Variants in CPQ observed in about 807,000 individuals in gnomAD.
CPQ encodes carboxypeptidase Q.
In CPQ, 37 loss-of-function variants were observed where a neutral mutation model predicts 45.7. The ratio of observed to expected loss-of-function variants is 0.81; its 90% CI spans 0.62 to 1.07. The LOEUF (loss-of-function observed/expected upper bound fraction) is 1.07. CPQ is among the 50% of genes least tolerant of loss of function. The pLI is 0.00. For missense variants in CPQ, 537 were observed against 572.9 expected, an observed-to-expected ratio of 0.94 and a Z score of 0.64; for synonymous variants, 186 against 205.8, an observed-to-expected ratio of 0.90 and a Z score of 0.82.
At chr8:96,667,353 T>C (rs932345695) in intron 1 of CPQ, among the ~76,000 whole-genome samples, 2 of 145,682 alleles carry the variant, frequency 1.4e-5, no homozygotes, top group Non-Finnish European at 3.0e-5. Context: ...ATCTTTTTCT[T>C]TTTTTTTTTT....
At chr8:97,070,602 G>A (rs2130536358) in intron 7 of CPQ, among the ~76,000 whole-genome samples, 1 of 152,240 alleles carries the variant, frequency 6.6e-6, no homozygotes. Flanking sequence ...AATATTGGGA[G>A]AATGATATAA....
At chr8:97,130,724 A>ATTTT (rs1811940221) in intron 7 of CPQ, among the ~76,000 whole-genome samples, 1 of 152,160 alleles carries the variant, frequency 6.6e-6, no homozygotes, top group Non-Finnish European at 1.5e-5. Flanking sequence ...TCCTTGAACC[A>ATTTT]ACCTTTTACT....
At chr8:97,115,820 C>T (rs1054887527) in intron 7 of CPQ, among the ~76,000 whole-genome samples, 5 of 152,174 alleles carry the variant, frequency 3.3e-5, no homozygotes, top group Non-Finnish European at 5.9e-5. Context: ...CTCTGTGCTT[C>T]ACACACTAAA....
At chr8:96,830,949 C>G (rs1046567469) in intron 2 of CPQ, among the ~76,000 whole-genome samples, 28 of 152,114 alleles carry the variant, frequency 1.8e-4, no homozygotes, top group African/African-American at 6.8e-4. Context: ...ATTCAGATAT[C>G]CAATAGTTAC....
intron 5 of CPQ, among the ~76,000 whole-genome samples, chr8:96,981,504 A>G (rs1382472550): frequency 6.6e-6 from 1 of 152,196 alleles, no homozygotes; most frequent in Non-Finnish European, 1.5e-5. Flanking sequence ...GAAGTGCTTC[A>G]TACTGGAATT....
At chr8:96,686,656 T>A (rs76558059) in intron 1 of CPQ, among the ~76,000 whole-genome samples, 3 of 152,038 alleles carry the variant, frequency 2.0e-5, no homozygotes, top group Admixed American at 6.6e-5. Context: ...GCTATATTTT[T>A]ATTTTTTTTC....
chr8:96,935,211 C>T (rs1563532913), intron 4 of CPQ, among the ~76,000 whole-genome samples: 1 of 152,056 alleles, frequency 6.6e-6, no homozygotes, highest in Non-Finnish European at 1.5e-5. Context: ...GCCTTAATGG[C>T]AACAGGCTTA....
In CPQ at chr8:96,660,678, T is replaced by C. The variant is rs555450450; in HGVS notation, c.-35+15276T>C. Among the ~76,000 whole-genome samples, 8 of 151,988 alleles carry C rather than the reference T, an allele frequency of 5.3e-5. No homozygotes were observed. The South Asian group carries it at 1.2e-3, about 24-fold the overall frequency. On this transcript the variant is annotated intron_variant, in intron 1 of 7. Transcript: ENST00000220763. ...GTGTGTGTGTGTTTATACTTCTCCC[T>C]AGTGCTTTCCCAGCTTTCCTAGACT...
chr8:96,659,812 A>C (rs1016897950), intron 1 of CPQ, among the ~76,000 whole-genome samples: 2 of 152,216 alleles, frequency 1.3e-5, no homozygotes, highest in African/African-American at 4.8e-5. Flanking sequence ...TAAGTCGCCA[A>C]GGGCTGTTGT....
chr8:96,986,502 C>T (rs1277631464), intron 5 of CPQ, among the ~76,000 whole-genome samples: 1 of 152,082 alleles, frequency 6.6e-6, no homozygotes, highest in Non-Finnish European at 1.5e-5. Flanking sequence ...CCCTTATTCC[C>T]ACTCTCTCAA....
intron 4 of CPQ, among the ~76,000 whole-genome samples, chr8:96,885,509 A>C (rs1287353733): frequency 1.3e-5 from 2 of 152,228 alleles, no homozygotes; most frequent in Non-Finnish European, 2.9e-5. Flanking sequence ...TCAACCATGC[A>C]GAGAACCTTA....
intron 1 of CPQ, among the ~76,000 whole-genome samples, chr8:96,716,918 CAT>C (rs1240133773): frequency 6.6e-6 from 1 of 150,508 alleles, no homozygotes; most frequent in Non-Finnish European, 1.5e-5. Context: ...CACACACACA[CAT>C]ACACACACAC....
intron 1 of CPQ, among the ~76,000 whole-genome samples, chr8:96,674,884 GTGT>G (rs1809055034): frequency 6.6e-6 from 1 of 152,100 alleles, no homozygotes; most frequent in Admixed American, 6.6e-5. Context: ...AAAAGAGTTA[GTGT>G]TGTCTATTTT....
chr8:96,846,591 C>G (rs1470847607), intron 3 of CPQ, among the ~76,000 whole-genome samples: 1 of 152,130 alleles, frequency 6.6e-6, no homozygotes, highest in Non-Finnish European at 1.5e-5. Flanking sequence ...CTCTCTCTCT[C>G]TGTTTCTGGA....
intron 1 of CPQ, among the ~76,000 whole-genome samples, chr8:96,730,027 C>T (rs1809890133): frequency 6.6e-6 from 1 of 152,174 alleles, no homozygotes; most frequent in Non-Finnish European, 1.5e-5. Context: ...CCAGGACACC[C>T]TGTACAGGGA....
At chr8:96,772,630 A>T (rs1810558268) in intron 1 of CPQ, among the ~76,000 whole-genome samples, 1 of 152,154 alleles carries the variant, frequency 6.6e-6, no homozygotes, top group African/African-American at 2.4e-5. Context: ...TGCAGGAGAG[A>T]TTAAGAAGGA....
chr8:96,938,217 A>G (rs1255617889), intron 4 of CPQ, among the ~76,000 whole-genome samples: 2 of 152,134 alleles, frequency 1.3e-5, no homozygotes, highest in African/African-American at 4.8e-5. Context: ...TTCCAGTAGG[A>G]AACAGATGGT....
chr8:96,834,795 C>G (rs1327597639), intron 2 of CPQ, among the ~76,000 whole-genome samples, 178 bp from the exon 3 acceptor site: 2 of 152,164 alleles, frequency 1.3e-5, no homozygotes, highest in African/African-American at 2.4e-5. Flanking sequence ...TTTTCACTCT[C>G]TTGGGAAGTT....
chr8:96,755,274 A>G (rs1227639685), intron 1 of CPQ, among the ~76,000 whole-genome samples: 1 of 151,996 alleles, frequency 6.6e-6, no homozygotes, highest in Non-Finnish European at 1.5e-5. Context: ...GTTCCTCACC[A>G]GGAGGTAACC....
Sources: gnomAD v4.1 joint callset for allele counts (sites outside exome capture counted in the v4.1 genomes callset) on GRCh38, gnomAD v4.1.1 for gene constraint, MANE v1.5 for transcripts, NCBI Gene and HGNC (gene_info 2026-07-23, HGNC 2026-07-21) for gene names.